The following ADAMTS12 variants were observed in gnomAD, a reference collection of about 807,000 sequenced individuals.
ADAMTS12 encodes ADAM metallopeptidase with thrombospondin type 1 motif 12.
ADAMTS12 carries 118 observed loss-of-function variants against 167.8 expected under a neutral mutation model. The observed-to-expected ratio is 0.70, with a 90% CI of 0.61 to 0.82. The LOEUF (loss-of-function observed/expected upper bound fraction) is 0.82. ADAMTS12 is among the 40% of genes least tolerant of loss of function. The pLI is 0.00. For missense variants in ADAMTS12, 1,916 were observed against 1,998.8 expected (o/e 0.96, Z 0.79); for synonymous variants, 704 against 716.9 (o/e 0.98, Z 0.29).
At chr5:33,594,927 C>T (rs1747838437) in intron 17 of ADAMTS12, among the ~76,000 whole-genome samples, 1 of 152,170 alleles carries the variant, frequency 6.6e-6, no homozygotes, top group Non-Finnish European at 1.5e-5. Flanking sequence ...TCCACCCTGT[C>T]ACCTGTTTGA....
chr5:33,639,457 G>A (rs1377479766), intron 11 of ADAMTS12, among the ~76,000 whole-genome samples: 1 of 152,198 alleles, frequency 6.6e-6, no homozygotes, highest in Non-Finnish European at 1.5e-5. Context: ...ATGGAAATGA[G>A]GCTAGTTGGG....
At chr5:33,680,303 C>T (rs1460502134) in intron 5 of ADAMTS12, among the ~76,000 whole-genome samples, 1 of 152,158 alleles carries the variant, frequency 6.6e-6, no homozygotes, top group South Asian at 2.1e-4. Context: ...CTGGCATCAA[C>T]ATGCCATGGA....
At chr5:33,748,792 A>G (rs1744879545) in intron 3 of ADAMTS12, among the ~76,000 whole-genome samples, 1 of 152,150 alleles carries the variant, frequency 6.6e-6, no homozygotes, top group Admixed American at 6.5e-5. Context: ...TGACACCACC[A>G]CTGTCAGTTA....
chr5:33,587,974 T>A (rs1747440989), intron 18 of ADAMTS12, among the ~76,000 whole-genome samples: 2 of 152,204 alleles, frequency 1.3e-5, no homozygotes, highest in Non-Finnish European at 2.9e-5. Context: ...GATTCCAAAG[T>A]GACCCAAAGA....
At chr5:33,543,529 C>G (rs1441525636) in intron 22 of ADAMTS12, among the ~76,000 whole-genome samples, 2 of 152,186 alleles carry the variant, frequency 1.3e-5, no homozygotes, top group African/African-American at 4.8e-5. Context: ...CAGCATCATC[C>G]TGATACCAAA....
At chr5:33,543,765 T>G (rs896940638) in intron 22 of ADAMTS12, among the ~76,000 whole-genome samples, 1 of 152,162 alleles carries the variant, frequency 6.6e-6, no homozygotes, top group Non-Finnish European at 1.5e-5. Flanking sequence ...AAAAACCACA[T>G]GATTGTCTCA....
chr5:33,697,168 A>C (rs575504355), intron 3 of ADAMTS12, among the ~76,000 whole-genome samples: 2 of 152,318 alleles, frequency 1.3e-5, no homozygotes, highest in East Asian at 3.9e-4. Flanking sequence ...ATTAGGCATA[A>C]GGTGGTGTGT....
chr5:33,883,600 C>A (rs192208933), intron 1 of ADAMTS12, among the ~76,000 whole-genome samples: 84 of 152,190 alleles, frequency 5.5e-4, no homozygotes, highest in Non-Finnish European at 1.0e-3. Context: ...TGCAGAGCTA[C>A]TTACATTCAT....
intron 11 of ADAMTS12, among the ~76,000 whole-genome samples, chr5:33,641,102 A>C (rs1334867964): frequency 6.6e-6 from 1 of 152,016 alleles, no homozygotes; most frequent in Non-Finnish European, 1.5e-5. Flanking sequence ...ATTACTTGGG[A>C]GACAGTATAT....
At chr5:33,531,762 A>G (rs1442728138) in intron 23 of ADAMTS12, among the ~76,000 whole-genome samples, 2 of 152,292 alleles carry the variant, frequency 1.3e-5, no homozygotes, top group South Asian at 2.1e-4. Context: ...GAATCCTCAC[A>G]TGTTCTTGGA....
At chr5:33,637,262 C>T (rs566781845) in intron 12 of ADAMTS12, among the ~76,000 whole-genome samples, 1 of 152,292 alleles carries the variant, frequency 6.6e-6, no homozygotes, top group East Asian at 1.9e-4. Flanking sequence ...TGTCCATCAA[C>T]AAGCAATTAG....
intron 2 of ADAMTS12, among the ~76,000 whole-genome samples, chr5:33,827,196 G>A (rs1348652470): frequency 1.8e-5 from 1 of 54,792 alleles, no homozygotes; most frequent in Non-Finnish European, 5.2e-5. Context: ...CTCCAGCTGG[G>A]CAGAGGGACA....
chr5:33,646,220 A>G (rs1254021598), intron 9 of ADAMTS12, among the ~76,000 whole-genome samples: 1 of 152,230 alleles, frequency 6.6e-6, no homozygotes, highest in African/African-American at 2.4e-5. Context: ...ATCTTCTAAA[A>G]TCATGCATAA....
At chr5:33,791,417 A>G (rs2112458014) in intron 2 of ADAMTS12, among the ~76,000 whole-genome samples, 1 of 152,288 alleles carries the variant, frequency 6.6e-6, no homozygotes, top group East Asian at 1.9e-4. Context: ...TGTAAGATAT[A>G]TTTTATTAAT....
At chr5:33,561,614 T>A (rs1745753590) in intron 19 of ADAMTS12, among the ~76,000 whole-genome samples, 1 of 152,142 alleles carries the variant, frequency 6.6e-6, no homozygotes, top group Non-Finnish European at 1.5e-5. Context: ...AGAACCCATC[T>A]CTAAAGAAAT....
intron 2 of ADAMTS12, among the ~76,000 whole-genome samples, chr5:33,763,458 G>C (rs1745425971): frequency 6.6e-6 from 1 of 152,202 alleles, no homozygotes; most frequent in South Asian, 2.1e-4. Context: ...GGTAGCCATG[G>C]CAACATTTGA....
chr5:33,616,841 T>C (rs980588232), intron 14 of ADAMTS12, among the ~76,000 whole-genome samples: 3 of 152,238 alleles, frequency 2.0e-5, no homozygotes, highest in African/African-American at 7.2e-5. Flanking sequence ...TCCTGTTTAA[T>C]GGTCATTATG....
chr5:33,794,692 C>A (rs10039443), intron 2 of ADAMTS12, among the ~76,000 whole-genome samples: 15,820 of 152,234 alleles, frequency 0.1, 1,166 homozygotes, highest in East Asian at 0.34. Flanking sequence ...CCAGCAGCAG[C>A]TGCCTGTTAA....
chr5:33,757,894 C>G (rs1215529415), intron 2 of ADAMTS12, among the ~76,000 whole-genome samples: 3 of 152,132 alleles, frequency 2.0e-5, no homozygotes, highest in African/African-American at 7.2e-5. Flanking sequence ...CACAGTTGCT[C>G]ATTTCATCAT....
Sources: allele counts gnomAD v4.1 joint callset (sites outside exome capture counted in the v4.1 genomes callset), GRCh38; gene constraint gnomAD v4.1.1; transcripts MANE v1.5; gene names NCBI Gene and HGNC (gene_info 2026-07-23, HGNC 2026-07-21).